SLC9D1: variants seen among roughly 807,000 people sequenced by gnomAD.
SLC9D1 encodes the protein putative LAG1-interacting protein.
chr13:113,496,549 T>G, the SLC9D1 span, among the ~76,000 whole-genome samples: 5 of 152,266 alleles, frequency 3.3e-5, no homozygotes, highest in Non-Finnish European at 5.9e-5. Flanking sequence ...GTTTCTGAAA[T>G]TACTGTATCA....
chr13:113,523,686 T>C, the SLC9D1 span, among the ~76,000 whole-genome samples: 1 of 152,222 alleles, frequency 6.6e-6, no homozygotes, highest in African/African-American at 2.4e-5. Flanking sequence ...ACTTTTCTTT[T>C]TCTAGGTTCT....
At chr13:113,538,224 A>G in the SLC9D1 span, among the ~76,000 whole-genome samples, 4 of 93,804 alleles carry the variant, frequency 4.3e-5, no homozygotes, top group African/African-American at 1.2e-4. Flanking sequence ...ATGCATACAT[A>G]TGTGCTTTGT....
the SLC9D1 span, among the ~76,000 whole-genome samples, chr13:113,531,406 C>T: frequency 4.6e-5 from 7 of 152,246 alleles, no homozygotes; most frequent in African/African-American, 9.6e-5. Context: ...GTGGACACGG[C>T]GCCCCGTATG....
chr13:113,530,025 G>C, the SLC9D1 span: 1 of 152,204 alleles, frequency 6.6e-6, no homozygotes, highest in South Asian at 2.1e-4. Flanking sequence ...ATTCAGCAAA[G>C]GAATATTATT....
chr13:113,540,356 G>A, the SLC9D1 span, among the ~76,000 whole-genome samples: 5 of 152,288 alleles, frequency 3.3e-5, no homozygotes, highest in Admixed American at 6.5e-5. Flanking sequence ...TCCTACCAAT[G>A]GTGTCTAAGT....
chr13:113,539,033 A>G, the SLC9D1 span, among the ~76,000 whole-genome samples: 3 of 152,240 alleles, frequency 2.0e-5, no homozygotes, highest in African/African-American at 7.2e-5. The surrounding 1 kb of genome is among the most constrained non-coding windows in gnomAD (Gnocchi z 4.8). Context: ...TTCTGATTCA[A>G]GGTCAAGAAA....
At chr13:113,509,450 C>CTGTG in the SLC9D1 span, among the ~76,000 whole-genome samples, 30 of 122,450 alleles carry the variant, frequency 2.4e-4, no homozygotes, top group East Asian at 2.4e-3. Context: ...CTGGAGCTGC[C>CTGTG]TATGTTGGGA....
chr13:113,544,300 G>A, the SLC9D1 span, among the ~76,000 whole-genome samples: 4 of 152,242 alleles, frequency 2.6e-5, no homozygotes, highest in African/African-American at 9.6e-5. Context: ...GAAAGGGGCA[G>A]GGCAATCTTT....
At chr13:113,506,646 A>T in the SLC9D1 span, among the ~76,000 whole-genome samples, 3 of 151,790 alleles carry the variant, frequency 2.0e-5, no homozygotes, top group Non-Finnish European at 4.4e-5. Flanking sequence ...GGAGGGATGA[A>T]GTTCTGGCTG....
the SLC9D1 span, chr13:113,550,191 T>TGCCAGAGGTTCCC: frequency 6.6e-6 from 1 of 152,314 alleles, no homozygotes; most frequent in Non-Finnish European, 1.5e-5. Flanking sequence ...ATGATCATGG[T>TGCCAGAGGTTCCC]ATAATTAATT....
chr13:113,534,414 A>T, the SLC9D1 span: 1 of 629,784 alleles, frequency 1.6e-6, no homozygotes, highest in Admixed American at 3.0e-5. Flanking sequence ...AATATAATAC[A>T]GGGAGCTAAA....
chr13:113,501,072 C>T, the SLC9D1 span, among the ~76,000 whole-genome samples: 6 of 152,198 alleles, frequency 3.9e-5, no homozygotes, highest in Non-Finnish European at 8.8e-5. Context: ...AGATTCCTGC[C>T]TGCACCCGTC....
chr13:113,503,442 T>C, the SLC9D1 span: 1 of 1,404,544 alleles, frequency 7.1e-7, no homozygotes, highest in South Asian at 1.2e-5. Context: ...GAGTTAAGTA[T>C]ACTTAATATG....
chr13:113,507,836 T>C, the SLC9D1 span, among the ~76,000 whole-genome samples: 4 of 152,258 alleles, frequency 2.6e-5, no homozygotes, highest in Non-Finnish European at 5.9e-5. Flanking sequence ...AGGTATAACG[T>C]ACGTGTGTGC....
At chr13:113,500,213 C>T in the SLC9D1 span, 10 of 1,088,894 alleles carry the variant, frequency 9.2e-6, no homozygotes, top group African/African-American at 1.6e-5. Context: ...TCAGTATGAC[C>T]GAGCTTTATC....
At chr13:113,549,541 G>T in the SLC9D1 span, 1 of 1,614,058 alleles carries the variant, frequency 6.2e-7, no homozygotes. Flanking sequence ...GCCTCTGATG[G>T]CTCGGAGATG....
the SLC9D1 span, chr13:113,503,741 T>G: frequency 1.7e-6 from 1 of 580,858 alleles, no homozygotes; most frequent in South Asian, 2.3e-5. Context: ...TGGGACAAAT[T>G]CAGAAAGATA....
chr13:113,549,333 C>A, the SLC9D1 span: 1 of 1,439,298 alleles, frequency 6.9e-7, no homozygotes, highest in East Asian at 2.4e-5. Flanking sequence ...GCAGGCGTCC[C>A]TCCCAGCTCA....
the SLC9D1 span, chr13:113,549,580 G>T: frequency 6.2e-7 from 1 of 1,612,646 alleles, no homozygotes; most frequent in East Asian, 2.2e-5. Flanking sequence ...GCGTCTGTGG[G>T]GAGTGAGCGC....
Sources: gnomAD v4.1 joint callset for allele counts (sites outside exome capture counted in the v4.1 genomes callset) on GRCh38, gnomAD v4.1.1 for gene constraint, Gnocchi (gnomAD v3.1) non-coding constraint, MANE v1.5 for transcripts, NCBI Gene and HGNC (gene_info 2026-07-23, HGNC 2026-07-21) for gene names.